The following SGCZ variants were observed in gnomAD, a reference collection of about 807,000 sequenced individuals.
SGCZ encodes zeta-sarcoglycan.
A neutral mutation model predicts 41.3 loss-of-function variants in SGCZ; 40 were observed. The observed-to-expected ratio is 0.97, with a 90% confidence interval of 0.75 to 1.26. The LOEUF is 1.26. Among genes scored for constraint, SGCZ ranks in the 50% most tolerant of loss-of-function variants. SGCZ has a pLI of 0.00. For missense variants in SGCZ, 552 were observed against 369.8 expected, an observed-to-expected ratio of 1.49 and a Z score of -4.04; for synonymous variants, 206 against 137.5, an observed-to-expected ratio of 1.50 and a Z score of -3.49.
intron 2 of SGCZ, among the ~76,000 whole-genome samples, chr8:14,377,474 G>C (rs933822758): frequency 6.6e-6 from 1 of 151,766 alleles, no homozygotes; most frequent in African/African-American, 2.4e-5. Flanking sequence ...CCCAAGAAGG[G>C]TATCCTGAGA....
intron 1 of SGCZ, among the ~76,000 whole-genome samples, chr8:14,969,886 T>C (rs1801236087): frequency 1.3e-5 from 2 of 152,106 alleles, no homozygotes; most frequent in Admixed American, 6.5e-5. Flanking sequence ...CTTTGGTAAA[T>C]ACTCAAGACT....
At chr8:14,443,864 G>A (rs1201844327) in intron 2 of SGCZ, among the ~76,000 whole-genome samples, 1 of 152,158 alleles carries the variant, frequency 6.6e-6, no homozygotes, top group Non-Finnish European at 1.5e-5. Context: ...TAACATCAGA[G>A]TGAACAGGCA....
At chr8:14,930,571 G>C (rs1019035222) in intron 1 of SGCZ, among the ~76,000 whole-genome samples, 2 of 151,952 alleles carry the variant, frequency 1.3e-5, no homozygotes, top group African/African-American at 4.8e-5. Flanking sequence ...CAATAGCAAA[G>C]ACTTGGAACC....
chr8:15,188,873 AAG>A (rs1208936982), intron 1 of SGCZ, among the ~76,000 whole-genome samples: 1 of 152,168 alleles, frequency 6.6e-6, no homozygotes, highest in East Asian at 1.9e-4. Context: ...GAATCTGGAA[AAG>A]AGTGTGGGAG....
chr8:14,789,416 T>C (rs1248774250), intron 1 of SGCZ, among the ~76,000 whole-genome samples: 2 of 152,184 alleles, frequency 1.3e-5, no homozygotes, highest in Non-Finnish European at 2.9e-5. Context: ...AGTATTGATC[T>C]TTGTGTTTCA....
At chr8:14,868,790 A>G (rs182704461) in intron 1 of SGCZ, among the ~76,000 whole-genome samples, 39 of 152,284 alleles carry the variant, frequency 2.6e-4, no homozygotes, top group Non-Finnish European at 4.7e-4. Context: ...ACAAACTACC[A>G]TCAGAGAGTA....
intron 2 of SGCZ, among the ~76,000 whole-genome samples, chr8:14,501,922 TG>T (rs1802167301): frequency 6.6e-6 from 1 of 152,146 alleles, no homozygotes; most frequent in Non-Finnish European, 1.5e-5. Context: ...TCACTTTATA[TG>T]TTGAATAAAA....
chr8:14,724,669 A>G (rs1809995010), intron 1 of SGCZ, among the ~76,000 whole-genome samples: 2 of 139,834 alleles, frequency 1.4e-5, no homozygotes, highest in African/African-American at 2.7e-5. Context: ...GATTATAAAT[A>G]AAAGAGTTAT....
intron 5 of SGCZ, among the ~76,000 whole-genome samples, chr8:14,147,528 A>C (rs1332117534): frequency 1.3e-5 from 2 of 152,236 alleles, no homozygotes; most frequent in African/African-American, 2.4e-5. Context: ...AATTTTAAAT[A>C]GATCTGCACC....
At chr8:14,411,430 A>G (rs183344204) in intron 2 of SGCZ, among the ~76,000 whole-genome samples, 373 of 152,264 alleles carry the variant, frequency 2.4e-3, no homozygotes, top group Non-Finnish European at 3.5e-3. Context: ...ATCTTGGTTC[A>G]TTACACAAAA....
chr8:14,552,530 AAAATAAAT>A (rs539899088), intron 2 of SGCZ, among the ~76,000 whole-genome samples: 382 of 152,224 alleles, frequency 2.5e-3, no homozygotes, highest in Non-Finnish European at 3.5e-3. Context: ...AAAACGTAAA[AAAATAAAT>A]AAATAAATAC....
At chr8:14,637,575 G>GC (rs550424408) in intron 1 of SGCZ, among the ~76,000 whole-genome samples, 1 of 151,186 alleles carries the variant, frequency 6.6e-6, no homozygotes, top group Non-Finnish European at 1.5e-5. Context: ...TGCAGTATTT[G>GC]TTTTTTTTGT....
intron 2 of SGCZ, among the ~76,000 whole-genome samples, chr8:14,481,636 T>C (rs931110352): frequency 1.3e-5 from 2 of 152,158 alleles, no homozygotes; most frequent in African/African-American, 4.8e-5. Context: ...TTGCCTCTGG[T>C]AGTTAAAGTG....
chr8:14,413,237 G>A (rs976609441), intron 2 of SGCZ, among the ~76,000 whole-genome samples: 15 of 151,944 alleles, frequency 9.9e-5, no homozygotes, highest in Admixed American at 9.2e-4. Flanking sequence ...AATCTCTTAG[G>A]TAATGTTGTA....
At chr8:14,849,652 C>G (rs1294023042) in intron 1 of SGCZ, among the ~76,000 whole-genome samples, 3 of 152,064 alleles carry the variant, frequency 2.0e-5, no homozygotes, top group African/African-American at 7.2e-5. Context: ...GGGGTGAGGC[C>G]AGGCAGAGTG....
At chr8:14,723,839 G>A (rs1441938) in intron 1 of SGCZ, among the ~76,000 whole-genome samples, 110,424 of 151,828 alleles carry the variant, frequency 0.73, 40,234 homozygotes, top group Admixed American at 0.77. Context: ...AGCAAACATT[G>A]TTCAGGTAAA....
chr8:14,767,219 G>C (rs80309603), intron 1 of SGCZ, among the ~76,000 whole-genome samples: 4,157 of 152,264 alleles, frequency 0.027, 67 homozygotes, highest in Non-Finnish European at 0.045. Flanking sequence ...CCAAGGCCTT[G>C]CAGTAGCCTA....
At chr8:14,294,863 C>A (rs907161068) in intron 3 of SGCZ, among the ~76,000 whole-genome samples, 4 of 152,024 alleles carry the variant, frequency 2.6e-5, no homozygotes. Flanking sequence ...TGCACTGCCA[C>A]TAAGTGCCCT....
chr8:15,209,069 A>T (rs1272388639), intron 1 of SGCZ, among the ~76,000 whole-genome samples: 7 of 151,218 alleles, frequency 4.6e-5, no homozygotes, highest in Non-Finnish European at 1.0e-4. Context: ...TCAAGTTCTC[A>T]CCTTCACAGT....
Sources: allele counts gnomAD v4.1 joint callset (sites outside exome capture counted in the v4.1 genomes callset), GRCh38; gene constraint gnomAD v4.1.1; transcripts MANE v1.5; gene names NCBI Gene and HGNC (gene_info 2026-07-23, HGNC 2026-07-21).